Variants in B2M observed in about 807,000 individuals in gnomAD.
B2M encodes the protein beta-2-microglobulin.
B2M carries 3 observed loss-of-function variants against 14.5 expected under a neutral mutation model. The observed-to-expected ratio is 0.21, with a 90% CI of 0.09 to 0.53. B2M has a LOEUF of 0.53. Ranked by LOEUF, B2M falls within the 20% of genes least tolerant of loss-of-function variation. The pLI, the probability that B2M is intolerant of heterozygous loss-of-function variation, is 0.95. For missense variants in B2M, 107 were observed against 140.8 expected (o/e 0.76, Z 1.21); for synonymous variants, 45 against 52.7 (o/e 0.85, Z 0.64).
Position 44,711,616 on chromosome 15 carries a change from G to A in B2M, c.67+3G>A, listed in dbSNP as rs2086867337. 2 of 1,613,232 alleles carry A rather than the reference G, an allele frequency of 1.2e-6. No individual in the cohort carries two copies. The highest frequency in any genetic ancestry group is 1.7e-6 in the Non-Finnish European group (2 of 1,179,572). ...TTCTGGCCTGGAGGCTATCCAGCGT[G>A]AGTCTCTCCTACCCTCCCGCTCTGG... On this transcript the variant is annotated splice_donor_region_variant and intron_variant, in intron 1 of 3. Coordinates refer to ENST00000648006, the MANE Select transcript of B2M (RefSeq NM_004048.4).
chr15:44,715,744 G>C (rs1188869889), intron 2 of B2M, 43 bp downstream of exon 2: 1 of 1,610,150 alleles, frequency 6.2e-7, no homozygotes, highest in Non-Finnish European at 8.5e-7. Flanking sequence ...AGTTGTGTAT[G>C]AGTAGTCATA....
intron 1 of B2M, 38 bp from the exon 2 acceptor site, chr15:44,715,385 C>G (rs1447213617): frequency 1.2e-6 from 2 of 1,600,980 alleles, no homozygotes; most frequent in Non-Finnish European, 8.5e-7. Flanking sequence ...GTGAAATACC[C>G]TGGCAATATT....
At chr15:44,711,990 G>A (rs984561766) in intron 1 of B2M, 5 of 406,734 alleles carry the variant, frequency 1.2e-5, no homozygotes, top group Non-Finnish European at 2.3e-5. Context: ...GTGGGGGACG[G>A]GTAGGCTCGT....
At chr15:44,715,920 C>T in intron 2 of B2M, 1 of 664,604 alleles carries the variant, frequency 1.5e-6, no homozygotes, top group Non-Finnish European at 2.6e-6. Flanking sequence ...GGTTTCTGAA[C>T]CAGTAGTTTC....
chr15:44,717,658 C>T lies in B2M; in HGVS notation c.*66C>T, dbSNP rs11553040. The T allele has an allele frequency of 4.5e-4, 68 of 152,322 alleles. No individual in the cohort carries two copies. Among genetic ancestry groups the T allele is most frequent in the African/African-American group, 1.6e-3 (67 of 41,540 alleles). 9.4% of individuals were successfully genotyped at this position (152,322 alleles called of 1,614,324 possible). A position where few individuals can be genotyped will look rare whatever the true frequency, so the allele number is the denominator to read the frequency against. On this transcript the variant is annotated 3_prime_UTR_variant, in exon 4 of 4. Transcript: ENST00000648006. ...ATGAATTCCAAATTCTGCTTGCTTG[C>T]TTTTTAATATTGATATGCTTATACA...
chr15:44,712,461 C>T (rs914106691), intron 1 of B2M, among the ~76,000 whole-genome samples: 8 of 152,178 alleles, frequency 5.3e-5, no homozygotes, highest in Admixed American at 5.2e-4. Flanking sequence ...AACTTAATTA[C>T]ACAGGGGATA....
chr15:44,711,843 G>A, intron 1 of B2M: 1 of 661,734 alleles, frequency 1.5e-6, no homozygotes, highest in Non-Finnish European at 2.7e-6. Flanking sequence ...GCGGGGAGCA[G>A]GGGAGACCTT....
Position 44,711,577 on chromosome 15 carries a change from G to T in B2M, c.31G>T (p.Ala11Ser), listed in dbSNP as rs104894481. 8 of 1,613,940 alleles carry T rather than the reference G, an allele frequency of 5.0e-6. No homozygotes were observed. Among genetic ancestry groups the T allele is most frequent in the Non-Finnish European group, 6.8e-6 (8 of 1,180,022 alleles). Residue 11 changes from alanine to serine, a missense_variant, in exon 1 of 4, where the codon GCG becomes TCG. Ala to Ser is a moderately conservative substitution (Grantham distance 99, BLOSUM62 1). Transcript: ENST00000648006. MSRSVALAVL[A>S]LLSLSGLEAI... ...TCGCTCCGTGGCCTTAGCTGTGCTC[G>T]CGCTACTCTCTCTTTCTGGCCTGGA...
chr15:44,711,824 C>A, intron 1 of B2M: 1 of 701,024 alleles, frequency 1.4e-6, no homozygotes, highest in Non-Finnish European at 2.5e-6. Context: ...GCGCTACTTG[C>A]CCCTTTCGGC....
chr15:44,716,416 C>G lies in B2M; in HGVS notation c.*14+60C>G. On this transcript the variant is annotated intron_variant, in intron 3 of 3. Coordinates refer to ENST00000648006, the MANE Select transcript of B2M (RefSeq NM_004048.4). The stretch of plus-strand genomic sequence containing the variant: ...CACTGTCCTGAGGACTATTTATAGA[C>G]AGCTCTAACATGATAACCCTCACTA... 4.7e-6 allele frequency: 7 copies of G among 1,477,340 alleles called. No homozygotes were observed. In the South Asian group the frequency reaches 7.9e-5, roughly 17 times the overall value. The allele number at this position is 1,477,340 out of a possible 1,614,324, so 91.5% of individuals were successfully genotyped here.
At chr15:44,712,501 C>G (rs1264574969) in intron 1 of B2M, among the ~76,000 whole-genome samples, 2 of 152,186 alleles carry the variant, frequency 1.3e-5, no homozygotes, top group Admixed American at 1.3e-4. Context: ...GAAGTCAAGC[C>G]TAACCAGGGC....
chr15:44,715,198 A>T (rs2086927564), intron 1 of B2M: 1 of 609,992 alleles, frequency 1.6e-6, no homozygotes, highest in Admixed American at 2.9e-5. Flanking sequence ...CAAAAAAGGC[A>T]TGTATAGAGG....
Position 44,717,937 on chromosome 15 carries a change from G to A in B2M, c.*345G>A, listed in dbSNP as rs1184028670. On this transcript the variant is annotated 3_prime_UTR_variant, in exon 4 of 4. Transcript: ENST00000648006. ...TGTTAAGATAGTTAAGCGTGCATAA[G>A]TTAACTTCCAATTTACATACTCTGC... 2 of 152,168 alleles carry A rather than the reference G, an allele frequency of 1.3e-5. No homozygotes were observed. The highest frequency in any genetic ancestry group is 2.9e-5 in the Non-Finnish European group (2 of 68,044). 9.4% of individuals were successfully genotyped at this position (152,168 alleles called of 1,614,324 possible). A position where few individuals can be genotyped will look rare whatever the true frequency, so the allele number is the denominator to read the frequency against.
intron 1 of B2M, chr15:44,714,066 A>G (rs911188789): frequency 6.6e-6 from 1 of 152,204 alleles, no homozygotes; most frequent in Non-Finnish European, 1.5e-5. Flanking sequence ...TATAGAGTTT[A>G]TAATATTTTC....
At chr15:44,716,292 A>G in intron 2 of B2M, 37 bp from the exon 3 acceptor site, 1 of 1,600,720 alleles carries the variant, frequency 6.2e-7, no homozygotes, top group Non-Finnish European at 8.6e-7. Flanking sequence ...GTAAAACTTA[A>G]TGTCTTCCTT....
chr15:44,717,670 G>A lies in B2M; in HGVS notation c.*78G>A, dbSNP rs2086958942. On this transcript the variant is annotated 3_prime_UTR_variant, in exon 4 of 4. Transcript: ENST00000648006. ...TTCTGCTTGCTTGCTTTTTAATATT[G>A]ATATGCTTATACACTTACACTTTAT... 6.6e-6 allele frequency: 1 copy of A among 152,154 alleles called. No homozygotes were observed. Among genetic ancestry groups the A allele is most frequent in the African/African-American group, 2.4e-5 (1 of 41,406 alleles). 9.4% of individuals were successfully genotyped at this position (152,154 alleles called of 1,614,324 possible). A position where few individuals can be genotyped will look rare whatever the true frequency, so the allele number is the denominator to read the frequency against.
intron 1 of B2M, 22 bp from the exon 2 acceptor site, chr15:44,715,401 G>A (rs367895079): frequency 1.4e-5 from 23 of 1,610,258 alleles, no homozygotes; most frequent in Non-Finnish European, 1.9e-5. Flanking sequence ...ATATTAATGT[G>A]TCTTTTCCCG....
chr15:44,714,167 A>G (rs935624870), intron 1 of B2M: 1 of 152,202 alleles, frequency 6.6e-6, no homozygotes, highest in African/African-American at 2.4e-5. Context: ...CAACCTGGCT[A>G]GTTTACAGCA....
chr15:44,716,028 T>C (rs376675858), intron 2 of B2M: 1 of 599,760 alleles, frequency 1.7e-6, no homozygotes, highest in East Asian at 2.8e-5. Context: ...TTGTGGCAGC[T>C]TCAGGTATAT....
Sources: gnomAD v4.1 joint callset for allele counts (sites outside exome capture counted in the v4.1 genomes callset) on GRCh38, gnomAD v4.1.1 for gene constraint, MANE v1.5 for transcripts, NCBI Gene and HGNC (gene_info 2026-07-23, HGNC 2026-07-21) for gene names.